The following RBFOX1 variants were observed in gnomAD, a reference collection of about 807,000 sequenced individuals.
RBFOX1 encodes the protein RNA binding protein fox-1 homolog 1.
RBFOX1 carries 8 observed loss-of-function variants against 57.7 expected under a neutral mutation model. The ratio of observed to expected loss-of-function variants is 0.14; its 90% confidence interval spans 0.08 to 0.25. The LOEUF (loss-of-function observed/expected upper bound fraction) is 0.25. RBFOX1 is among the 10% of genes least tolerant of loss of function. The pLI is 1.00. For missense variants in RBFOX1, 611 were observed against 548.5 expected (o/e 1.11, Z -1.14); for synonymous variants, 326 against 222.4 (o/e 1.47, Z -4.15).
intron 3 of RBFOX1, among the ~76,000 whole-genome samples, chr16:6,772,650 G>C (rs2078515231): frequency 1.3e-5 from 2 of 151,486 alleles, no homozygotes; most frequent in African/African-American, 4.9e-5. Flanking sequence ...ATTTGTGTGT[G>C]TGTGTGTGTA....
intron 4 of RBFOX1, among the ~76,000 whole-genome samples, chr16:6,001,302 A>G (rs1276812617): frequency 7.2e-5 from 11 of 152,242 alleles, no homozygotes; most frequent in African/African-American, 2.4e-4. Flanking sequence ...CACTTGTAGG[A>G]TTTATGTAAG....
At chr16:7,216,484 G>C (rs1055505964) in intron 4 of RBFOX1, among the ~76,000 whole-genome samples, 7 of 152,126 alleles carry the variant, frequency 4.6e-5, no homozygotes, top group Non-Finnish European at 7.3e-5. Context: ...GTGAGACCTT[G>C]TCGCTAAAAA....
At chr16:6,661,527 A>C (rs2098701523) in intron 3 of RBFOX1, among the ~76,000 whole-genome samples, 1 of 152,190 alleles carries the variant, frequency 6.6e-6, no homozygotes. Context: ...GCAAATCTTT[A>C]CTGTATGGGG....
intron 2 of RBFOX1, among the ~76,000 whole-genome samples, chr16:5,557,933 G>A (rs946106020): frequency 1.3e-5 from 2 of 152,200 alleles, no homozygotes; most frequent in Non-Finnish European, 2.9e-5. Context: ...GTGGAACAAC[G>A]TGGCAGAGAA....
chr16:7,329,904 A>T (rs936392109), intron 4 of RBFOX1, among the ~76,000 whole-genome samples: 5 of 152,202 alleles, frequency 3.3e-5, no homozygotes, highest in Admixed American at 6.5e-5. Flanking sequence ...AAATCAGCAG[A>T]TTCTTTTATA....
chr16:7,020,053 G>C (rs1232823910), intron 3 of RBFOX1, among the ~76,000 whole-genome samples: 1 of 151,146 alleles, frequency 6.6e-6, no homozygotes, highest in African/African-American at 2.4e-5. Context: ...GATCAGCTTA[G>C]GTGAACCTTT....
chr16:7,205,972 C>T (rs979934539), intron 4 of RBFOX1, among the ~76,000 whole-genome samples: 1 of 152,224 alleles, frequency 6.6e-6, no homozygotes, highest in African/African-American at 2.4e-5. Flanking sequence ...TGATCTACGA[C>T]ATGATGAGCC....
intron 1 of RBFOX1, among the ~76,000 whole-genome samples, chr16:5,313,558 A>G (rs1191425648): frequency 1.3e-5 from 2 of 152,058 alleles, no homozygotes; most frequent in Non-Finnish European, 2.9e-5. Flanking sequence ...CTGGGAAGAG[A>G]AAGAGGTTTA....
At chr16:5,916,124 T>C (rs550613029) in intron 4 of RBFOX1, among the ~76,000 whole-genome samples, 22 of 152,100 alleles carry the variant, frequency 1.4e-4, no homozygotes, top group Non-Finnish European at 3.2e-4. Flanking sequence ...ATGTAAGACA[T>C]TGGAGAGCCT....
At chr16:7,686,363 C>A (rs950682715) in intron 14 of RBFOX1, among the ~76,000 whole-genome samples, 11 of 152,008 alleles carry the variant, frequency 7.2e-5, no homozygotes, top group Non-Finnish European at 1.2e-4. Flanking sequence ...CCTTCTTTTT[C>A]AACCTGTGCC....
intron 1 of RBFOX1, among the ~76,000 whole-genome samples, chr16:6,205,687 A>T (rs534753801): frequency 3.9e-5 from 6 of 152,050 alleles, no homozygotes; most frequent in African/African-American, 1.2e-4. Context: ...CACATCACTG[A>T]TAGGCACTCT....
At chr16:7,615,894 C>T (rs774874877) in intron 10 of RBFOX1, among the ~76,000 whole-genome samples, 8 of 152,174 alleles carry the variant, frequency 5.3e-5, no homozygotes, top group African/African-American at 7.2e-5. Context: ...TGACGCTATT[C>T]GAGATGCCAC....
intron 3 of RBFOX1, among the ~76,000 whole-genome samples, chr16:7,047,298 T>C (rs2048313079): frequency 6.6e-6 from 1 of 152,190 alleles, no homozygotes; most frequent in Admixed American, 6.5e-5. Flanking sequence ...CTAAAGGATA[T>C]TTTCATTGGA....
At chr16:7,287,330 A>G (rs989243503) in intron 4 of RBFOX1, among the ~76,000 whole-genome samples, 6 of 152,190 alleles carry the variant, frequency 3.9e-5, no homozygotes, top group African/African-American at 1.4e-4. Context: ...GAGAGACAAG[A>G]AAGAAACTTC....
chr16:5,296,754 C>G (rs2063679196), intron 1 of RBFOX1, among the ~76,000 whole-genome samples: 1 of 151,640 alleles, frequency 6.6e-6, no homozygotes, highest in Admixed American at 6.6e-5. Context: ...TCCTGCCTCA[C>G]TGTAACCTCT....
intron 1 of RBFOX1, among the ~76,000 whole-genome samples, chr16:6,231,823 G>A (rs1211495032): frequency 7.7e-6 from 1 of 130,172 alleles, no homozygotes; most frequent in Non-Finnish European, 1.6e-5. Context: ...AAATTCTGTA[G>A]CTTTCCAGTT....
At chr16:6,865,002 T>TC (rs1555544571) in intron 3 of RBFOX1, among the ~76,000 whole-genome samples, 11 of 89,274 alleles carry the variant, frequency 1.2e-4, no homozygotes, top group African/African-American at 4.4e-4. Context: ...TTTCTTTTTT[T>TC]TTTTTTTTTT....
At chr16:7,313,154 C>G (rs1178855588) in intron 4 of RBFOX1, among the ~76,000 whole-genome samples, 1 of 152,196 alleles carries the variant, frequency 6.6e-6, no homozygotes, top group Non-Finnish European at 1.5e-5. Context: ...AAAAGCGCCT[C>G]CTGAAAGTGG....
At chr16:6,577,432 CTCCTT>C (rs757537101) in intron 2 of RBFOX1, 1 of 152,172 alleles carries the variant, frequency 6.6e-6, no homozygotes, top group Non-Finnish European at 1.5e-5. Context: ...TATGTGCTGT[CTCCTT>C]TCATTTTCCT....
Sources: allele counts gnomAD v4.1 joint callset (sites outside exome capture counted in the v4.1 genomes callset), GRCh38; gene constraint gnomAD v4.1.1; transcripts MANE v1.5; gene names NCBI Gene and HGNC (gene_info 2026-07-23, HGNC 2026-07-21).